The following CHORDC1 variants were observed in gnomAD, a reference collection of about 807,000 sequenced individuals.
CHORDC1 encodes the protein cysteine and histidine rich domain containing 1.
In CHORDC1, 25 loss-of-function variants were observed where a neutral mutation model predicts 48.3. The ratio of observed to expected loss-of-function variants is 0.52; its 90% CI spans 0.38 to 0.72. The LOEUF is 0.72. CHORDC1 is among the 30% of genes least tolerant of loss of function. The probability of loss-of-function intolerance (pLI) is 0.00; values close to 1 mark genes in which losing one functional copy is unlikely to be tolerated. For synonymous variants in CHORDC1, 128 were observed against 126.4 expected (o/e 1.01, Z -0.09); for missense variants, 317 against 388.7 (o/e 0.82, Z 1.55).
chr11:90,203,550 G>A, intron 8 of CHORDC1, 123 bp from the exon 9 acceptor site: 2 of 802,782 alleles, frequency 2.5e-6, no homozygotes, highest in Non-Finnish European at 1.8e-6. Flanking sequence ...TAATGTTTAA[G>A]GGCAAAAAAC....
At chr11:90,202,663 C>T (rs1409613315) in intron 10 of CHORDC1, 112 bp from the exon 11 acceptor site, 27 of 1,399,528 alleles carry the variant, frequency 1.9e-5, no homozygotes, top group Non-Finnish European at 2.4e-5. Context: ...CTAAAGGCCT[C>T]TTTTATATCT....
Position 90,202,450 on chromosome 11 carries a change from A to T in CHORDC1, c.954T>A (p.Pro318=), listed in dbSNP as rs774128814. 1 of 1,612,064 alleles carries T rather than the reference A, an allele frequency of 6.2e-7. No homozygotes were observed. The highest frequency in any genetic ancestry group is 8.5e-7 in the Non-Finnish European group (1 of 1,179,652). Residue 318 remains proline (P), a synonymous_variant, in exon 11 of 11, where the codon CCT becomes CCA. Coordinates refer to ENST00000320585, the MANE Select transcript of CHORDC1 (RefSeq NM_012124.3). ...TTTGTTTTTCCTGCTTTTTAGCTGC[A>T]GGCAGTTCAAGGCTTGCCCACTGCA... ...EPMQWASLEL[P]AAKKQEKQKD... is the part of the protein sequence containing the mutation.
At chr11:90,210,938 A>G (rs1173121515) in intron 5 of CHORDC1, 2 of 305,186 alleles carry the variant, frequency 6.6e-6, no homozygotes, top group Non-Finnish European at 1.2e-5. Context: ...ACATTTTAAA[A>G]TATCAAAGAA....
chr11:90,203,534 A>ATGTTTAAGG, intron 8 of CHORDC1, 107 bp from the exon 9 acceptor site: 2 of 1,051,682 alleles, frequency 1.9e-6, no homozygotes, highest in South Asian at 4.6e-5. Flanking sequence ...ACAACAACTA[A>ATGTTTAAGG]GCACTTAATG....
Position 90,206,255 on chromosome 11 carries a change from C to A in CHORDC1, c.510G>T (p.Glu170Asp). 1 of 1,563,558 alleles carries A rather than the reference C, an allele frequency of 6.4e-7. No individual in the cohort carries two copies. The highest frequency in any genetic ancestry group is 1.1e-5 in the South Asian group (1 of 89,852). ...GGCSKTYQGL[E>D]SLEEVCVYHS... Reference sequence around the variant, plus strand: ...GATATACACAGACTTCTTCTAGACTCTCTAGACCCTGGTATGTCTAAAAAG... The same window carrying A: ...GATATACACAGACTTCTTCTAGACTATCTAGACCCTGGTATGTCTAAAAAG... The change falls in exon 7 of 11, where the codon GAG becomes GAT. Residue 170 changes from glutamate (E) to aspartate (D), a missense_variant. By Grantham distance (45) the Glu-to-Asp change is conservative. Coordinates refer to ENST00000320585, the MANE Select transcript of CHORDC1 (RefSeq NM_012124.3).
At chr11:90,203,753 T>C (rs956835753) in intron 8 of CHORDC1, among the ~76,000 whole-genome samples, 1 of 152,186 alleles carries the variant, frequency 6.6e-6, no homozygotes, top group South Asian at 2.1e-4. Context: ...TTCTGTAACC[T>C]ACTAAGTACT....
chr11:90,214,000 T>C lies in CHORDC1; in HGVS notation c.329+18A>G. ...ACTATTCAAGTGTGACAAAAATATG[T>C]AACTGTATAAAGTATACCTTGGTCT... On this transcript the variant is annotated intron_variant, in intron 4 of 10. Transcript: ENST00000320585. 6.3e-7 allele frequency: 1 copy of C among 1,586,024 alleles called. No homozygotes were observed. The highest frequency in any genetic ancestry group is 1.8e-5 in the Admixed American group (1 of 56,136).
intron 7 of CHORDC1, chr11:90,205,822 C>T (rs908018886): frequency 6.5e-6 from 3 of 462,778 alleles, no homozygotes; most frequent in African/African-American, 2.0e-5. Flanking sequence ...CTGCAGGATG[C>T]GGAAAAGTAT....
In CHORDC1 at chr11:90,206,551, A is replaced by C. The variant is rs1591050399; in HGVS notation, c.493-279T>G. ...TCCAATCATATTCAAGTACTTACTTAGTTACTAATTTCAAAAACAATGTTG... is the reference window on the plus strand; with the variant it reads ...TCCAATCATATTCAAGTACTTACTTCGTTACTAATTTCAAAAACAATGTTG... On this transcript the variant is annotated intron_variant, in intron 6 of 10. Transcript: ENST00000320585. The C allele has an allele frequency of 1.3e-5, 5 of 375,462 alleles. No individual in the cohort carries two copies. In the East Asian group the frequency reaches 2.5e-4, roughly 19 times the overall value. 23.3% of individuals were successfully genotyped at this position (375,462 alleles called of 1,614,324 possible).
chr11:90,219,384 G>A (rs1858105291), intron 1 of CHORDC1, among the ~76,000 whole-genome samples: 1 of 151,984 alleles, frequency 6.6e-6, no homozygotes, highest in Non-Finnish European at 1.5e-5. Flanking sequence ...TATGTAAATG[G>A]GTTTATTACA....
intron 6 of CHORDC1, chr11:90,208,748 T>A (rs1018899266): frequency 6.6e-6 from 1 of 152,210 alleles, no homozygotes; most frequent in African/African-American, 2.4e-5. Flanking sequence ...GCTGGTGTGT[T>A]TAATTTTGTG....
At chr11:90,210,381 CAG>C (rs1857826835) in intron 6 of CHORDC1, among the ~76,000 whole-genome samples, 153 bp downstream of exon 6, 1 of 26,384 alleles carries the variant, frequency 3.8e-5, no homozygotes. Context: ...TGATGCTACT[CAG>C]AGTCTCTTAT....
chr11:90,206,322 C>T (rs1182866308), intron 6 of CHORDC1, 50 bp from the exon 7 acceptor site: 1 of 975,356 alleles, frequency 1.0e-6, no homozygotes, highest in African/African-American at 1.6e-5. Flanking sequence ...CTTACAGTTA[C>T]ATCTCATACA....
At chr11:90,207,003 T>C (rs139121140) in intron 6 of CHORDC1, 1 of 336,928 alleles carries the variant, frequency 3.0e-6, no homozygotes. Context: ...AAACTCAGTA[T>C]GTTAGCATCT....
In CHORDC1 at chr11:90,202,508, T is replaced by C. The variant is rs1857566894; in HGVS notation, c.896A>G (p.Lys299Arg). 3 of 1,613,306 alleles carry C rather than the reference T, an allele frequency of 1.9e-6. No homozygotes were observed. The highest frequency in any genetic ancestry group is 2.5e-6 in the Non-Finnish European group (3 of 1,179,618). Residue 299 changes from lysine to arginine, a missense_variant, in exon 11 of 11, where the codon AAG (lysine) becomes AGG (arginine). Physicochemically the swap from Lys to Arg is conservative, Grantham distance 26. Coordinates refer to ENST00000320585, the MANE Select transcript of CHORDC1 (RefSeq NM_012124.3). ...KRSYVTMTAT[K>R]IEITMRKAEP... Reference sequence around the variant, plus strand: ...AGCTTTTCTCATAGTGATTTCAATCTTTGTTGCAGTCATAGTTACATAACT... The same window carrying C: ...AGCTTTTCTCATAGTGATTTCAATCCTTGTTGCAGTCATAGTTACATAACT...
intron 1 of CHORDC1, 91 bp downstream of exon 1, chr11:90,222,800 T>G: frequency 8.4e-7 from 1 of 1,190,530 alleles, no homozygotes; most frequent in Non-Finnish European, 1.2e-6. Context: ...CGAGGACGGC[T>G]GCAGGAGATC....
Position 90,202,172 on chromosome 11 carries a change from A to T in CHORDC1, c.*233T>A. 1 of 477,510 alleles carries T rather than the reference A, an allele frequency of 2.1e-6. No individual in the cohort carries two copies. Among genetic ancestry groups the T allele is most frequent in the East Asian group, 3.6e-5 (1 of 28,012 alleles). The allele number at this position is 477,510 out of a possible 1,614,324, so 29.6% of individuals were successfully genotyped here. A position where few individuals can be genotyped will look rare whatever the true frequency, so the allele number is the denominator to read the frequency against. ...TCCAGCCTCTTCAAGTATAGGACAC[A>T]ACTATGGTTCCTACCAGTAGGGAGA... On this transcript the variant is annotated 3_prime_UTR_variant, in exon 11 of 11. Transcript: ENST00000320585.
chr11:90,219,643 T>A (rs1007563538), intron 1 of CHORDC1, among the ~76,000 whole-genome samples: 10 of 152,234 alleles, frequency 6.6e-5, no homozygotes, highest in Non-Finnish European at 1.3e-4. Context: ...ATGCTGCAGA[T>A]AACTAGCCAG....
In CHORDC1 at chr11:90,202,243, C is replaced by T; in HGVS notation, c.*162G>A. 1.6e-6 allele frequency: 1 copy of T among 640,722 alleles called. No homozygotes were observed. The highest frequency in any genetic ancestry group is 2.7e-6 in the Non-Finnish European group (1 of 370,112). 39.7% of individuals were successfully genotyped at this position (640,722 alleles called of 1,614,324 possible). A position where few individuals can be genotyped will look rare whatever the true frequency, so the allele number is the denominator to read the frequency against. On this transcript the variant is annotated 3_prime_UTR_variant, in exon 11 of 11. Transcript: ENST00000320585. Reference sequence around the variant, plus strand: ...TAACACAAAAGAAAGATGAGAGGCACAAAAAGACAAACTGACTTTGGCTTT... The same window carrying T: ...TAACACAAAAGAAAGATGAGAGGCATAAAAAGACAAACTGACTTTGGCTTT...
Sources: gnomAD v4.1 joint callset for allele counts (sites outside exome capture counted in the v4.1 genomes callset) on GRCh38, gnomAD v4.1.1 for gene constraint, MANE v1.5 for transcripts, NCBI Gene and HGNC (gene_info 2026-07-23, HGNC 2026-07-21) for gene names.